NEDD4L: variants seen among roughly 807,000 people sequenced by gnomAD.
NEDD4L encodes the protein E3 ubiquitin-protein ligase NEDD4-like.
Under a neutral mutation model 148.9 loss-of-function variants are expected in NEDD4L, and 54 were observed. The ratio of observed to expected loss-of-function variants is 0.36; its 90% CI spans 0.29 to 0.45. The LOEUF (loss-of-function observed/expected upper bound fraction) is 0.45. NEDD4L is among the 20% of genes least tolerant of loss of function. NEDD4L has a pLI of 1.00. For missense variants in NEDD4L, 856 were observed against 1,233.8 expected (o/e 0.69, Z 4.59); for synonymous variants, 433 against 440.7 (o/e 0.98, Z 0.22).
intron 2 of NEDD4L, among the ~76,000 whole-genome samples, chr18:58,198,503 G>C (rs1385385245): frequency 6.6e-6 from 1 of 152,116 alleles, no homozygotes; most frequent in African/African-American, 2.4e-5. Context: ...AGGATCCCTG[G>C]GCAGTGTTTC....
At chr18:58,148,048 C>CCT (rs2034288347) in intron 1 of NEDD4L, among the ~76,000 whole-genome samples, 2 of 148,534 alleles carry the variant, frequency 1.3e-5, no homozygotes, top group African/African-American at 4.9e-5. Flanking sequence ...CTCTCCCCCC[C>CCT]TTTTTTTTTT....
intron 11 of NEDD4L, among the ~76,000 whole-genome samples, chr18:58,331,325 T>C (rs2059770665): frequency 6.6e-6 from 1 of 152,218 alleles, no homozygotes; most frequent in South Asian, 2.1e-4. Context: ...TCAGTCCTCT[T>C]AAGTCATATT....
At chr18:58,243,634 C>T (rs1319285623) in intron 2 of NEDD4L, among the ~76,000 whole-genome samples, 14 of 152,170 alleles carry the variant, frequency 9.2e-5, no homozygotes, top group African/African-American at 3.4e-4. Flanking sequence ...CATCTGCCAG[C>T]CCATGGGCAC....
intron 5 of NEDD4L, among the ~76,000 whole-genome samples, chr18:58,314,899 C>T (rs1159376607): frequency 6.6e-6 from 1 of 152,172 alleles, no homozygotes; most frequent in African/African-American, 2.4e-5. Flanking sequence ...TTACCTGCTG[C>T]TTCCTTTTAA....
intron 1 of NEDD4L, among the ~76,000 whole-genome samples, chr18:58,132,994 A>G (rs1351136370): frequency 6.6e-6 from 1 of 152,178 alleles, no homozygotes; most frequent in African/African-American, 2.4e-5. Context: ...CATAGCGTGC[A>G]TTTTCAAACC....
chr18:58,124,957 CAGTGG>C (rs1193077876), intron 1 of NEDD4L, among the ~76,000 whole-genome samples: 1 of 152,202 alleles, frequency 6.6e-6, no homozygotes, highest in East Asian at 1.9e-4. Context: ...AGCTGGAGTG[CAGTGG>C]TCCAATCATA....
intron 13 of NEDD4L, among the ~76,000 whole-genome samples, chr18:58,337,209 G>C (rs759816826): frequency 6.6e-6 from 1 of 152,076 alleles, no homozygotes; most frequent in Non-Finnish European, 1.5e-5. Context: ...GCATGGGTTG[G>C]GTGTTTTCTT....
intron 2 of NEDD4L, among the ~76,000 whole-genome samples, chr18:58,196,348 T>C (rs2040687325): frequency 6.6e-6 from 1 of 152,214 alleles, no homozygotes; most frequent in Non-Finnish European, 1.5e-5. Context: ...TTATAACCTT[T>C]ACAGGAAATA....
intron 2 of NEDD4L, among the ~76,000 whole-genome samples, chr18:58,196,715 T>C (rs1251579334): frequency 2.3e-5 from 3 of 129,382 alleles, no homozygotes; most frequent in African/African-American, 8.0e-5. Flanking sequence ...TCTCTCTTTT[T>C]TTTTTTTTTT....
At chr18:58,119,934 C>T (rs1453067657) in intron 1 of NEDD4L, among the ~76,000 whole-genome samples, 3 of 152,208 alleles carry the variant, frequency 2.0e-5, no homozygotes, top group Middle Eastern at 3.2e-3. Flanking sequence ...CCTGGCTCCC[C>T]AGGCCCCCTT....
Position 58,245,469 on chromosome 18 carries a change from T to A in NEDD4L, c.165T>A (p.Asn55Lys), listed in dbSNP as rs1192088763. ...TTTCATTGTACGTAGCGGATGAGAA[T>A]AGAGAACTTGCTTTGGTCCAGACAA... ...VKLSLYVADENRELALVQTKT... is the reference protein window; with the variant it reads ...VKLSLYVADEKRELALVQTKT... The change falls in exon 3 of 31, where the codon AAT (asparagine) becomes AAA (lysine). Residue 55 changes from asparagine to lysine, a missense_variant. Physicochemically the swap from Asn to Lys is moderately conservative, Grantham distance 94. Coordinates refer to ENST00000400345, the MANE Select transcript of NEDD4L (RefSeq NM_001144967.3). The A allele has an allele frequency of 6.3e-7, 1 of 1,587,350 alleles. No individual in the cohort carries two copies. The highest frequency in any genetic ancestry group is 8.6e-7 in the Non-Finnish European group (1 of 1,161,744).
In NEDD4L at chr18:58,366,076, C is replaced by G. The variant is rs371612571; in HGVS notation, c.1911C>G (p.Ser637=). 1.2e-6 allele frequency: 2 copies of G among 1,613,246 alleles called. No individual in the cohort carries two copies. Among genetic ancestry groups the G allele is most frequent in the Non-Finnish European group, 1.7e-6 (2 of 1,179,586 alleles). Reference sequence around the variant, plus strand: ...AAGAGTCCTATCGGAGAATTATGTCCGTGAAAAGACCAGATGTCCTAAAAG... The same window carrying G: ...AAGAGTCCTATCGGAGAATTATGTCGGTGAAAAGACCAGATGTCCTAAAAG... ...IFEESYRRIM[S]VKRPDVLKAR... is the part of the protein sequence containing the mutation. Residue 637 remains serine (S), a synonymous_variant, in exon 21 of 31, where the codon TCC becomes TCG. Coordinates refer to ENST00000400345, the MANE Select transcript of NEDD4L (RefSeq NM_001144967.3). The surrounding 1 kb of genome is among the most constrained non-coding windows in gnomAD (Gnocchi z 4.2).
rs145533400 is a variant in NEDD4L, at chr18:58,357,298, C to G, written c.1767+46C>G. 2.3e-5 allele frequency: 34 copies of G among 1,464,370 alleles called. No individual in the cohort carries two copies. In the South Asian group the frequency reaches 3.7e-4, roughly 16 times the overall value. 90.7% of individuals were successfully genotyped at this position (1,464,370 alleles called of 1,614,324 possible). A position where few individuals can be genotyped will look rare whatever the true frequency, so the allele number is the denominator to read the frequency against. ...CCTCTTCAGTATAAGATTTTGGTTA[C>G]GTGTTTACGTGTTTCTTGTGTATTA... On this transcript the variant is annotated intron_variant, in intron 19 of 30. Coordinates refer to ENST00000400345, the MANE Select transcript of NEDD4L (RefSeq NM_001144967.3).
intron 1 of NEDD4L, among the ~76,000 whole-genome samples, chr18:58,156,129 T>C (rs140119708): frequency 7.4e-4 from 112 of 152,346 alleles, no homozygotes; most frequent in African/African-American, 2.5e-3. Context: ...TACTTTCTTA[T>C]GTAGTTCTTC....
At chr18:58,064,459 T>A (rs1474138416) in intron 1 of NEDD4L, among the ~76,000 whole-genome samples, 7 of 152,232 alleles carry the variant, frequency 4.6e-5, no homozygotes, top group Non-Finnish European at 7.3e-5. Context: ...CTCTATCATC[T>A]GTGCTCAGGA....
rs117437839 is a variant in NEDD4L, at chr18:58,182,582, C to T, written c.122+16721C>T. Among the ~76,000 whole-genome samples the T allele has an allele frequency of 8.6e-3, 1,260 of 146,244 alleles. 7 individuals are homozygous for T. The highest frequency in any genetic ancestry group is 0.032 in the South Asian group (145 of 4,544). ...AGGCTGGAGTGCAGAGGCGCAACCTCAGTTCACTGCAACCTCAGCCTCCCA... is the reference window on the plus strand; with the variant it reads ...AGGCTGGAGTGCAGAGGCGCAACCTTAGTTCACTGCAACCTCAGCCTCCCA... On this transcript the variant is annotated intron_variant, in intron 2 of 30. Transcript: ENST00000400345.
intron 5 of NEDD4L, among the ~76,000 whole-genome samples, chr18:58,296,253 C>T (rs1255585680): frequency 2.0e-5 from 3 of 152,174 alleles, no homozygotes; most frequent in Non-Finnish European, 4.4e-5. Context: ...GCAAGAGCTT[C>T]CTGGTTGATC....
intron 2 of NEDD4L, among the ~76,000 whole-genome samples, chr18:58,234,913 T>C (rs574130998): frequency 6.6e-6 from 1 of 152,256 alleles, no homozygotes; most frequent in African/African-American, 2.4e-5. Context: ...CCACATCCCC[T>C]GTTAACTCCA....
chr18:58,146,130 C>T (rs560761), intron 1 of NEDD4L, among the ~76,000 whole-genome samples: 3,600 of 152,218 alleles, frequency 0.024, 140 homozygotes, highest in African/African-American at 0.082. Flanking sequence ...GATGCATAGA[C>T]GTATTGAATC....
Sources: gnomAD v4.1 joint callset for allele counts (sites outside exome capture counted in the v4.1 genomes callset) on GRCh38, gnomAD v4.1.1 for gene constraint, Gnocchi (gnomAD v3.1) non-coding constraint, MANE v1.5 for transcripts, NCBI Gene and HGNC (gene_info 2026-07-23, HGNC 2026-07-21) for gene names.